LPA: variants seen among roughly 807,000 people sequenced by gnomAD.
LPA encodes the protein apolipoprotein(a).
LPA carries 199 observed loss-of-function variants against 197.9 expected under a neutral mutation model. That is an observed-to-expected ratio of 1.01 (90% confidence interval 0.90 to 1.13). LPA has a LOEUF of 1.13. Ranked by LOEUF, LPA falls within the 50% of genes most tolerant of loss-of-function variation. LPA has a pLI of 0.00. For missense variants in LPA, 1,853 were observed against 1,785.8 expected (o/e 1.04, Z -0.68); for synonymous variants, 715 against 639.5 (o/e 1.12, Z -1.78).
chr6:160,646,967 G>C (rs1490525746), intron 2 of LPA, among the ~76,000 whole-genome samples: 1 of 152,136 alleles, frequency 6.6e-6, no homozygotes, highest in African/African-American at 2.4e-5. Flanking sequence ...CCATGGAAAA[G>C]CATTGTGCAA....
intron 16 of LPA, 144 bp downstream of exon 16, chr6:160,611,418 C>T (rs1271265003): frequency 1.3e-6 from 2 of 1,488,594 alleles, no homozygotes; most frequent in Non-Finnish European, 1.8e-6. Flanking sequence ...ACCCTTAGCT[C>T]CAAGGAAATC....
chr6:160,562,113 G>A (rs571826579), intron 28 of LPA, among the ~76,000 whole-genome samples: 97 of 152,320 alleles, frequency 6.4e-4, no homozygotes, highest in African/African-American at 2.2e-3. Context: ...TGTTGAATAG[G>A]AGTGGTGAGA....
At position 160,598,585 on chromosome 6, in the gene LPA, G is replaced by A. The variant is rs541764360; in HGVS notation, c.3287+915C>T. The stretch of plus-strand genomic sequence containing the variant: ...GTGTCTTTGGTAGTCACTTATGGCC[G>A]AAAGACTGGCCATAGAATGGCCAGA... On this transcript the variant is annotated intron_variant, in intron 20 of 38. Coordinates refer to ENST00000316300, the MANE Select transcript of LPA (RefSeq NM_005577.4). Among the ~76,000 whole-genome samples the A allele has an allele frequency of 4.6e-5, 7 of 152,272 alleles. No individual in the cohort carries two copies. In the East Asian group the frequency reaches 9.7e-4, roughly 21 times the overall value.
intron 7 of LPA, among the ~76,000 whole-genome samples, chr6:160,634,565 G>C (rs1477998651): frequency 9.8e-5 from 14 of 143,120 alleles, no homozygotes; most frequent in Admixed American, 9.6e-4. Context: ...CCATCAGAAA[G>C]AGGTTTAAGA....
chr6:160,590,567 C>T (rs529097221), intron 23 of LPA, among the ~76,000 whole-genome samples: 8 of 152,290 alleles, frequency 5.3e-5, no homozygotes, highest in Non-Finnish European at 1.0e-4. Context: ...CTGAAGTTTG[C>T]AATGAGTACT....
rs539816239 is a variant in LPA at position 160,562,971 on chromosome 6, A to AGTC, written c.4632-5403_4632-5401dup. Among the ~76,000 whole-genome samples the AGTC allele has an allele frequency of 1.4e-4, 21 of 152,126 alleles. No individual in the cohort carries two copies. The South Asian group carries it at 4.4e-3, about 32-fold the overall frequency. On this transcript the variant is annotated intron_variant, in intron 28 of 38. Coordinates refer to ENST00000316300, the MANE Select transcript of LPA (RefSeq NM_005577.4). ...ATTCTTCTCTATTTTCTTCTTTATT[A>AGTC]GTCTGGCTAGGCTTCTATGTATTTT...
In LPA at chr6:160,577,205, C is replaced by T. The variant is rs755788271; in HGVS notation, c.4562G>A (p.Arg1521Lys). 6.2e-7 allele frequency: 1 copy of T among 1,613,884 alleles called. No homozygotes were observed. Reference sequence around the variant, plus strand: ...CATAGATGACCAAGATTGACAGGTCCTTCCTGTGACAGTGGTGGAGGATAT... The same window carrying T: ...CATAGATGACCAAGATTGACAGGTCTTTCCTGTGACAGTGGTGGAGGATAT... The part of the protein sequence containing the change: ...RGISSTTVTG[R>K]TCQSWSSMIP... The change falls in exon 28 of 39, where the codon AGG (arginine) becomes AAG (lysine). Residue 1521 changes from arginine to lysine, a missense_variant. Physicochemically the swap from Arg to Lys is conservative, Grantham distance 26 (BLOSUM62 2). Coordinates refer to ENST00000316300, the MANE Select transcript of LPA (RefSeq NM_005577.4).
At chr6:160,594,222 C>T in intron 21 of LPA, 105 bp from the exon 22 acceptor site, 2 of 1,413,554 alleles carry the variant, frequency 1.4e-6, no homozygotes, top group South Asian at 1.2e-5. Flanking sequence ...GAAAGACTAC[C>T]ATGCTCTGTT....
chr6:160,653,545 A>G (rs987506838), intron 1 of LPA, among the ~76,000 whole-genome samples: 3 of 151,988 alleles, frequency 2.0e-5, no homozygotes, highest in African/African-American at 4.8e-5. Flanking sequence ...TTAAAAACCT[A>G]CACCAGAAAA....
chr6:160,650,560 A>T (rs537276196), intron 1 of LPA, 63 bp from the exon 2 acceptor site: 2 of 1,513,842 alleles, frequency 1.3e-6, no homozygotes, highest in East Asian at 2.3e-5. Context: ...ATGTGAAGTC[A>T]TTTATGACAC....
chr6:160,650,276 A>T (rs1330780631), intron 2 of LPA, 62 bp downstream of exon 2: 2 of 1,561,182 alleles, frequency 1.3e-6, no homozygotes, highest in Non-Finnish European at 1.8e-6. Context: ...CTTGACGCAC[A>T]CCTTTTCTAA....
intron 28 of LPA, among the ~76,000 whole-genome samples, chr6:160,568,648 A>G (rs1029171440): frequency 1.3e-5 from 2 of 152,260 alleles, no homozygotes; most frequent in East Asian, 1.9e-4. Context: ...GCAATTAGGC[A>G]GGAGAAGGAA....
rs369510777 is a variant in LPA at position 160,547,886 on chromosome 6, A to G, written c.5207T>C (p.Val1736Ala). Residue 1736 changes from valine to alanine, a missense_variant, in exon 32 of 39, where the codon GTT (valine) becomes GCT (alanine). Transcript: ENST00000316300. The stretch of plus-strand genomic sequence containing the variant: ...CCATTCCTGGCATGGCGTCCCAGTA[A>G]CAGTGGTTGCCTTCTTGCCCCGGTA... ...KGYRGKKATT[V>A]TGTPCQEWAA... The G allele has an allele frequency of 1.1e-4, 171 of 1,613,980 alleles. No individual in the cohort carries two copies. Among genetic ancestry groups the G allele is most frequent in the Non-Finnish European group, 1.3e-4 (159 of 1,180,008 alleles).
chr6:160,549,931 G>A (rs7761293), intron 30 of LPA, among the ~76,000 whole-genome samples: 79,929 of 152,134 alleles, frequency 0.53, 23,104 homozygotes, highest in African/African-American at 0.76. Context: ...TTGAGTAAGT[G>A]AGAGGCACAG....
At chr6:160,553,954 T>TGTGTGTGCGTGTGTGTGCGC (rs771903485) in intron 30 of LPA, among the ~76,000 whole-genome samples, 1 of 130,748 alleles carries the variant, frequency 7.6e-6, no homozygotes, top group Non-Finnish European at 1.6e-5. Context: ...TGTGTGTGTG[T>TGTGTGTGCGTGTGTGTGCGC]GCGCGCGCGC....
At chr6:160,580,968 C>T (rs1778783428) in intron 26 of LPA, among the ~76,000 whole-genome samples, 1 of 151,334 alleles carries the variant, frequency 6.6e-6, no homozygotes, top group Non-Finnish European at 1.5e-5. Flanking sequence ...TGGTTCTTCC[C>T]TCAAAAAATT....
intron 29 of LPA, 140 bp downstream of exon 29, chr6:160,557,248 CAG>C: frequency 9.7e-7 from 1 of 1,030,222 alleles, no homozygotes; most frequent in Non-Finnish European, 1.5e-6. Context: ...ATTGCTCCAC[CAG>C]AGAGAGTGCT....
At chr6:160,657,100 G>A (rs1472281902) in intron 1 of LPA, among the ~76,000 whole-genome samples, 1 of 152,156 alleles carries the variant, frequency 6.6e-6, no homozygotes, top group Non-Finnish European at 1.5e-5. Context: ...TTTTGTAGTT[G>A]AGTGACTGTG....
At position 160,599,342 on chromosome 6, in the gene LPA, C is replaced by CA. The variant is rs879826803; in HGVS notation, c.3287+157dup. Among the ~76,000 whole-genome samples, 457 of 152,136 alleles carry CA rather than the reference C, an allele frequency of 3.0e-3. 2 individuals are homozygous for CA. Among genetic ancestry groups the CA allele is most frequent in the Admixed American group, 0.028 (425 of 15,270 alleles). On this transcript the variant is annotated intron_variant, in intron 20 of 38. Transcript: ENST00000316300. The stretch of plus-strand genomic sequence containing the variant: ...TGGGCAACAAAGCAAGACTCTGTCT[C>CA]AAAAAAACAAAGTCTTCTCTAAGAA...
Sources: allele counts gnomAD v4.1 joint callset (sites outside exome capture counted in the v4.1 genomes callset), GRCh38; gene constraint gnomAD v4.1.1; transcripts MANE v1.5; gene names NCBI Gene and HGNC (gene_info 2026-07-23, HGNC 2026-07-21).